RADIL: variants seen among roughly 807,000 people sequenced by gnomAD.
RADIL encodes the protein Rap associating with DIL domain, also known as ras-associating and dilute domain-containing protein.
Under a neutral mutation model 97.6 loss-of-function variants are expected in RADIL, and 99 were observed. That is an observed-to-expected ratio of 1.01 (90% confidence interval 0.86 to 1.20). The LOEUF (loss-of-function observed/expected upper bound fraction) is 1.20, where lower values mean the gene tolerates loss of function less well. Among genes scored for constraint, RADIL ranks in the 50% most tolerant of loss-of-function variants. The probability of loss-of-function intolerance (pLI) is 0.00; values close to 1 mark genes in which losing one functional copy is unlikely to be tolerated. For missense variants in RADIL, 1,765 were observed against 1,498.9 expected (o/e 1.18, Z -2.93); for synonymous variants, 803 against 691.8 (o/e 1.16, Z -2.52).
At chr7:4,805,083 G>A (rs143244144) in intron 10 of RADIL, among the ~76,000 whole-genome samples, 4 of 152,144 alleles carry the variant, frequency 2.6e-5, no homozygotes, top group African/African-American at 9.7e-5. Flanking sequence ...GACAGAGCAA[G>A]ACTCTTGTCT....
rs1481537189 is a variant in RADIL, at chr7:4,815,379, A to T, written c.2038T>A (p.Trp680Arg). The T allele has an allele frequency of 5.1e-6, 8 of 1,564,620 alleles. No individual in the cohort carries two copies. Among genetic ancestry groups the T allele is most frequent in the Middle Eastern group, 1.8e-4 (1 of 5,518 alleles). ...GCCCCGAAGCCGGCGCTCCGCATCCACTCCAGGAGCTGCTGCAGGCGGGCG... is the reference window on the plus strand; with the variant it reads ...GCCCCGAAGCCGGCGCTCCGCATCCTCTCCAGGAGCTGCTGCAGGCGGGCG... ...ACARLQQLLE[W>R]MRSAGFGAAG... The change falls in exon 9 of 15, where the codon TGG becomes AGG. Residue 680 changes from tryptophan to arginine, a missense_variant. Physicochemically the swap from Trp to Arg is moderately radical, Grantham distance 101. Transcript: ENST00000399583. The surrounding 1 kb of genome is among the most constrained non-coding windows in gnomAD (Gnocchi z 8.0).
intron 5 of RADIL, among the ~76,000 whole-genome samples, chr7:4,826,380 T>G (rs1325689995): frequency 1.3e-5 from 2 of 152,082 alleles, no homozygotes; most frequent in Non-Finnish European, 2.9e-5. Flanking sequence ...AGGAGGAAGA[T>G]ATTAATATTT....
Position 4,805,720 on chromosome 7 carries a change from G to T in RADIL, c.2140-4C>A. ...CCCGCAGGGCTGTCCAGCTCATCTG[G>T]GTGACAAGAAGGAGCTCATGGTCAC... On this transcript the variant is annotated splice_polypyrimidine_tract_variant and splice_region_variant and intron_variant, in intron 9 of 14. Transcript: ENST00000399583. 1.9e-6 allele frequency: 3 copies of T among 1,604,534 alleles called. No individual in the cohort carries two copies. The highest frequency in any genetic ancestry group is 2.6e-6 in the Non-Finnish European group (3 of 1,175,388).
At position 4,813,228 on chromosome 7, in the gene RADIL, C is replaced by G. The variant is rs954805732; in HGVS notation, c.2139+2050G>C. 6.6e-6 allele frequency among the ~76,000 whole-genome samples: 1 copy of G among 152,024 alleles called. No individual in the cohort carries two copies. The highest frequency in any genetic ancestry group is 2.4e-5 in the African/African-American group (1 of 41,370). On this transcript the variant is annotated intron_variant, in intron 9 of 14. Coordinates refer to ENST00000399583, the MANE Select transcript of RADIL (RefSeq NM_018059.5). The surrounding 1 kb of genome is among the most constrained non-coding windows in gnomAD (Gnocchi z 5.0). ...TCCTGGACTCAAATGATCCTCCTAC[C>G]TCAACCTCCCAAGTAGCTGGCACTA...
rs1223574088 is a variant in RADIL, at chr7:4,873,658, AC to A, written c.535+3946del. 1.3e-5 allele frequency among the ~76,000 whole-genome samples: 2 copies of A among 151,744 alleles called. No individual in the cohort carries two copies. Among genetic ancestry groups the A allele is most frequent in the Non-Finnish European group, 2.9e-5 (2 of 67,934 alleles). On this transcript the variant is annotated intron_variant, in intron 2 of 14. Coordinates refer to ENST00000399583, the MANE Select transcript of RADIL (RefSeq NM_018059.5). This position sits in a 1 kb window ranked among gnomAD's most constrained non-coding sequence, Gnocchi z 4.3. ...AGGATTTGTTTCACTGCAGCCCCCC[AC>A]CTTCCCCCAAAGCGACACGGTGACA...
rs760569804 is a variant in RADIL, at chr7:4,818,342, C to T, written c.1616-991G>A. 1.3e-5 allele frequency among the ~76,000 whole-genome samples: 2 copies of T among 152,200 alleles called. No homozygotes were observed. Among genetic ancestry groups the T allele is most frequent in the Non-Finnish European group, 2.9e-5 (2 of 68,026 alleles). On this transcript the variant is annotated intron_variant, in intron 6 of 14. Transcript: ENST00000399583. The surrounding 1 kb of genome is among the most constrained non-coding windows in gnomAD (Gnocchi z 7.1). Reference sequence around the variant, plus strand: ...GCACCGGAGGCCGGCCCACTCATGGCCAGGACAATGGTGCGCCAAGCCCTT... The same window carrying T: ...GCACCGGAGGCCGGCCCACTCATGGTCAGGACAATGGTGCGCCAAGCCCTT...
rs181070841 is a variant in RADIL at position 4,873,874 on chromosome 7, C to A, written c.535+3731G>T. Among the ~76,000 whole-genome samples the A allele has an allele frequency of 1.8e-3, 281 of 152,368 alleles. 7 individuals carry two copies. The highest frequency in any genetic ancestry group is 0.018 in the Admixed American group (276 of 15,310). ...CCACGATTCTTCCACGTCACTCCAA[C>A]CTGAGGCAGGCTGGCGCCCACGGCT... is the stretch of plus-strand genomic sequence containing the variant. On this transcript the variant is annotated intron_variant, in intron 2 of 14. Coordinates refer to ENST00000399583, the MANE Select transcript of RADIL (RefSeq NM_018059.5). The surrounding 1 kb of genome is among the most constrained non-coding windows in gnomAD (Gnocchi z 4.3).
At chr7:4,839,969 G>A (rs1398462991) in intron 2 of RADIL, among the ~76,000 whole-genome samples, 3 of 152,096 alleles carry the variant, frequency 2.0e-5, no homozygotes, top group Admixed American at 1.3e-4. Flanking sequence ...GGCTGGTCTC[G>A]AACTCCTGAC....
At chr7:4,832,092 C>A in intron 5 of RADIL, 49 bp downstream of exon 5, 1 of 1,601,950 alleles carries the variant, frequency 6.2e-7, no homozygotes. Flanking sequence ...AGTGTGAGCC[C>A]CCAGGACCTG....
chr7:4,800,098 CGGCCAGGCTTGCATGAACAGGCGG>C (rs538479195), intron 13 of RADIL, 49 bp downstream of exon 13: 21 of 1,518,320 alleles, frequency 1.4e-5, no homozygotes, highest in Non-Finnish European at 1.7e-5. Context: ...ACGCAAGCTG[CGGCCAGGCTTGCATGAACAGGCGG>C]GGCCAGGCAG....
rs1784465521 is a variant in RADIL, at chr7:4,880,693, G to T, written c.-64-2490C>A. Among the ~76,000 whole-genome samples the T allele has an allele frequency of 6.6e-6, 1 of 152,238 alleles. No homozygotes were observed. Among genetic ancestry groups the T allele is most frequent in the African/African-American group, 2.4e-5 (1 of 41,464 alleles). ...CAAAGGCAAAGTGCAGGTGGTGGAT[G>T]GTACAGCCTCTGCCACCAGGCAGCT... On this transcript the variant is annotated intron_variant, in intron 1 of 14. Coordinates refer to ENST00000399583, the MANE Select transcript of RADIL (RefSeq NM_018059.5). This position sits in a 1 kb window ranked among gnomAD's most constrained non-coding sequence, Gnocchi z 4.5.
chr7:4,853,930 G>C (rs975837762), intron 2 of RADIL, among the ~76,000 whole-genome samples: 4 of 152,156 alleles, frequency 2.6e-5, no homozygotes, highest in African/African-American at 9.7e-5. Context: ...TAAGAAAAGA[G>C]ACATTTTCCT....
intron 9 of RADIL, among the ~76,000 whole-genome samples, chr7:4,810,323 T>TA (rs200933659): frequency 1.9e-4 from 29 of 151,764 alleles, no homozygotes; most frequent in Admixed American, 5.3e-4. Context: ...CTGGCTAATT[T>TA]AAAAAAAAAT....
Position 4,822,324 on chromosome 7 carries a change from C to T in RADIL, c.1615+70G>A, listed in dbSNP as rs917721426. ...ATCATGGCCAACTAGGTTCCGAGGA[C>T]GGCGAGGAGATGCCACACTCCCCTG... On this transcript the variant is annotated intron_variant, in intron 6 of 14. Coordinates refer to ENST00000399583, the MANE Select transcript of RADIL (RefSeq NM_018059.5). This position sits in a 1 kb window ranked among gnomAD's most constrained non-coding sequence, Gnocchi z 5.3. 3.4e-5 allele frequency: 51 copies of T among 1,492,014 alleles called. No homozygotes were observed. Among genetic ancestry groups the T allele is most frequent in the Middle Eastern group, 4.6e-4 (2 of 4,358 alleles). 92.4% of individuals were successfully genotyped at this position (1,492,014 alleles called of 1,614,324 possible).
Position 4,816,408 on chromosome 7 carries a change from G to C in RADIL, c.1786C>G (p.Arg596Gly). 6 of 1,609,160 alleles carry C rather than the reference G, an allele frequency of 3.7e-6. No individual in the cohort carries two copies. The highest frequency in any genetic ancestry group is 5.1e-6 in the Non-Finnish European group (6 of 1,178,684). The change falls in exon 8 of 15, where the codon CGT (arginine) becomes GGT (glycine). Residue 596 changes from arginine (R) to glycine (G), a missense_variant. By Grantham distance (125) the Arg-to-Gly change is moderately radical. Transcript: ENST00000399583. ...TCGGGGGCCGAGGACCAGCTCTCAC[G>C]GCGCTCCGTCTGGAATGGCGGGCAC... ...LECPPFQTER[R>G]ESWSSAPELP...
chr7:4,808,274 A>G (rs902064800), intron 9 of RADIL, among the ~76,000 whole-genome samples: 2 of 148,828 alleles, frequency 1.3e-5, no homozygotes, highest in African/African-American at 5.0e-5. Flanking sequence ...CTTTTCTCCC[A>G]GGCTCTGCAC....
intron 10 of RADIL, among the ~76,000 whole-genome samples, chr7:4,804,710 C>T (rs1474489456): frequency 6.6e-6 from 1 of 151,958 alleles, no homozygotes; most frequent in Non-Finnish European, 1.5e-5. Flanking sequence ...TCGCTTGAAC[C>T]CAGGAGGTGG....
intron 2 of RADIL, among the ~76,000 whole-genome samples, chr7:4,869,131 GACAA>G (rs1200581564): frequency 5.4e-5 from 8 of 149,528 alleles, no homozygotes; most frequent in African/African-American, 1.0e-4. Context: ...CATCTCAAAA[GACAA>G]ACAAACAAAC....
In RADIL at chr7:4,834,864, C is replaced by T. The variant is rs750710090; in HGVS notation, c.1159G>A (p.Gly387Arg). 569 of 1,327,858 alleles carry T rather than the reference C, an allele frequency of 4.3e-4. 4 individuals are homozygous for T. In the Middle Eastern group the frequency reaches 5.5e-3, roughly 13 times the overall value. 82.3% of individuals were successfully genotyped at this position (1,327,858 alleles called of 1,614,324 possible). A position where few individuals can be genotyped will look rare whatever the true frequency, so the allele number is the denominator to read the frequency against. ...QSCRLCGAAL[G>R]ARGAASPTQA... ...GTAGGGGAGGCGGCTCCCCGGGCCC[C>T]GAGCGCGGCCCCGCACAGCCGGCAG... The change falls in exon 4 of 15, where the codon GGG becomes AGG. Residue 387 changes from glycine to arginine, a missense_variant. Gly to Arg is a moderately radical substitution (Grantham distance 125). Coordinates refer to ENST00000399583, the MANE Select transcript of RADIL (RefSeq NM_018059.5). This position sits in a 1 kb window ranked among gnomAD's most constrained non-coding sequence, Gnocchi z 6.0.
Sources: allele counts gnomAD v4.1 joint callset (sites outside exome capture counted in the v4.1 genomes callset), GRCh38; gene constraint gnomAD v4.1.1; non-coding constraint Gnocchi (gnomAD v3.1); transcripts MANE v1.5; gene names NCBI Gene and HGNC (gene_info 2026-07-23, HGNC 2026-07-21).